Variants in MCC observed in about 807,000 individuals in gnomAD.
MCC encodes the protein colorectal mutant cancer protein.
MCC carries 90 observed loss-of-function variants against 116.2 expected under a neutral mutation model. The observed-to-expected ratio is 0.77, with a 90% confidence interval of 0.65 to 0.92. The LOEUF is 0.92. Ranked by LOEUF, MCC falls within the 40% of genes least tolerant of loss-of-function variation. MCC has a pLI of 0.00. For missense variants in MCC, 1,516 were observed against 1,312.2 expected (o/e 1.16, Z -2.40); for synonymous variants, 578 against 510.5 (o/e 1.13, Z -1.78).
At chr5:113,278,472 G>T (rs1765910894) in intron 3 of MCC, among the ~76,000 whole-genome samples, 2 of 152,186 alleles carry the variant, frequency 1.3e-5, no homozygotes, top group South Asian at 4.1e-4. Flanking sequence ...AATGCAACGG[G>T]GAACACAGGA....
chr5:113,433,451 G>T, intron 1 of MCC: 1 of 610,314 alleles, frequency 1.6e-6, no homozygotes. Flanking sequence ...CGGCCAGTGG[G>T]GACCCTCTGC....
At chr5:113,081,586 C>A (rs1219681594) in intron 11 of MCC, among the ~76,000 whole-genome samples, 1 of 152,116 alleles carries the variant, frequency 6.6e-6, no homozygotes, top group Non-Finnish European at 1.5e-5. Context: ...AAATCGAGGT[C>A]CCCCTGAAGG....
chr5:113,435,159 G>T, intron 1 of MCC: 1 of 323,944 alleles, frequency 3.1e-6, no homozygotes. Flanking sequence ...TGTCTTGCTG[G>T]GACCTGAGGT....
At chr5:113,060,889 C>A (rs1753169089) in intron 14 of MCC, among the ~76,000 whole-genome samples, 1 of 152,204 alleles carries the variant, frequency 6.6e-6, no homozygotes, top group African/African-American at 2.4e-5. Flanking sequence ...AAAAGCACCT[C>A]TCCTCAGTAA....
chr5:113,468,692 C>G (rs1404132869), intron 1 of MCC, among the ~76,000 whole-genome samples: 1 of 152,142 alleles, frequency 6.6e-6, no homozygotes, highest in South Asian at 2.1e-4. Flanking sequence ...TGATGCTGGC[C>G]TCATAAAATG....
intron 3 of MCC, among the ~76,000 whole-genome samples, chr5:113,172,780 C>A (rs1761140100): frequency 6.6e-6 from 1 of 152,212 alleles, no homozygotes; most frequent in Non-Finnish European, 1.5e-5. Context: ...AGGCTTCTGA[C>A]TGTGAAATTG....
At chr5:113,043,714 C>T (rs1561746690) in intron 16 of MCC, 84 bp from the exon 17 acceptor site, 1 of 928,210 alleles carries the variant, frequency 1.1e-6, no homozygotes. Context: ...CGGTAGGTGG[C>T]TCGTGCAGTG....
chr5:113,459,822 G>A (rs1014877026), intron 1 of MCC, among the ~76,000 whole-genome samples: 3 of 61,968 alleles, frequency 4.8e-5, no homozygotes, highest in Non-Finnish European at 8.8e-5. Flanking sequence ...AATCGCTATG[G>A]AAAACACACA....
rs994758047 is a variant in MCC at position 113,127,629 on chromosome 5, T to G, written c.885-4803A>C. 3.9e-5 allele frequency among the ~76,000 whole-genome samples: 6 copies of G among 152,262 alleles called. No individual in the cohort carries two copies. The East Asian group carries it at 7.7e-4, about 19-fold the overall frequency. On this transcript the variant is annotated intron_variant, in intron 5 of 18. Transcript: ENST00000408903. ...AATATTGAGCTTTTTTTCATATGCT[T>G]GTTGGCTGCATGTATATCTTTTGAA... is the stretch of plus-strand genomic sequence containing the variant.
chr5:113,041,708 G>A lies in MCC; in HGVS notation c.2756+1822C>T, dbSNP rs548991668. 3.3e-5 allele frequency among the ~76,000 whole-genome samples: 5 copies of A among 152,268 alleles called. No homozygotes were observed. The East Asian group carries it at 9.7e-4, about 29-fold the overall frequency. On this transcript the variant is annotated intron_variant, in intron 17 of 18. Transcript: ENST00000408903. Reference sequence around the variant, plus strand: ...ATAAGTAGAAGCAGGACTCTCAAATGGGATGGCCGGGTGCAGTGGCTCATG... The same window carrying A: ...ATAAGTAGAAGCAGGACTCTCAAATAGGATGGCCGGGTGCAGTGGCTCATG...
chr5:113,369,601 G>T (rs1768789961), intron 2 of MCC, among the ~76,000 whole-genome samples: 1 of 151,870 alleles, frequency 6.6e-6, no homozygotes. Flanking sequence ...TTTTATTTTA[G>T]AGGAATTCTT....
At chr5:113,240,290 T>C (rs2150338713) in intron 3 of MCC, among the ~76,000 whole-genome samples, 1 of 152,298 alleles carries the variant, frequency 6.6e-6, no homozygotes, top group South Asian at 2.1e-4. Flanking sequence ...CCTCAGGATC[T>C]AGCCATGGGT....
intron 3 of MCC, among the ~76,000 whole-genome samples, chr5:113,160,462 T>C (rs1177300740): frequency 6.6e-6 from 1 of 152,254 alleles, no homozygotes; most frequent in African/African-American, 2.4e-5. Flanking sequence ...CTTTATGAGA[T>C]GGGTAGTGCT....
intron 3 of MCC, among the ~76,000 whole-genome samples, chr5:113,250,768 G>T (rs1764769691): frequency 6.6e-6 from 1 of 152,106 alleles, no homozygotes; most frequent in Non-Finnish European, 1.5e-5. Flanking sequence ...TTTCTAAGGG[G>T]CTGAGTTCCA....
chr5:113,058,619 G>T (rs1233769538), intron 14 of MCC, among the ~76,000 whole-genome samples: 1 of 152,218 alleles, frequency 6.6e-6, no homozygotes, highest in Non-Finnish European at 1.5e-5. Flanking sequence ...CCTGGTGGGT[G>T]TCAGGGTCTA....
At chr5:113,440,261 G>A (rs912099111) in intron 1 of MCC, among the ~76,000 whole-genome samples, 2 of 152,048 alleles carry the variant, frequency 1.3e-5, no homozygotes, top group Non-Finnish European at 2.9e-5. Flanking sequence ...TTCTTGAGTA[G>A]GCTCTCATGG....
intron 6 of MCC, among the ~76,000 whole-genome samples, chr5:113,119,218 A>G (rs1757587919): frequency 6.6e-6 from 1 of 152,268 alleles, no homozygotes. Context: ...GCACTCTGGC[A>G]TGACAGCCAG....
At chr5:113,471,812 G>A (rs372698712) in intron 1 of MCC, among the ~76,000 whole-genome samples, 2 of 150,148 alleles carry the variant, frequency 1.3e-5, no homozygotes, top group Non-Finnish European at 3.0e-5. Flanking sequence ...CACCCAGTTC[G>A]AGCTTCCCAG....
At chr5:113,104,603 A>G (rs1001165168) in intron 6 of MCC, 3 of 354,934 alleles carry the variant, frequency 8.5e-6, no homozygotes, top group Middle Eastern at 7.6e-4. Context: ...AAGCAGCCAC[A>G]TCTTGAGTTT....
Sources: allele counts gnomAD v4.1 joint callset (sites outside exome capture counted in the v4.1 genomes callset), GRCh38; gene constraint gnomAD v4.1.1; transcripts MANE v1.5; gene names NCBI Gene and HGNC (gene_info 2026-07-23, HGNC 2026-07-21).